The following MACF1 variants were observed in gnomAD, a reference collection of about 807,000 sequenced individuals.
MACF1 encodes microtubule-actin cross-linking factor 1.
In MACF1, 193 loss-of-function variants were observed where a neutral mutation model predicts 854.8. The observed-to-expected ratio is 0.23, with a 90% CI of 0.20 to 0.25. The LOEUF is 0.25. MACF1 is among the 10% of genes least tolerant of loss of function. MACF1 has a pLI of 1.00. For missense variants in MACF1, 7,722 were observed against 8,929.1 expected (o/e 0.86, Z 5.45); for synonymous variants, 3,185 against 3,226.7 (o/e 0.99, Z 0.44).
At chr1:39,277,555 T>C (rs370396103) in intron 6 of MACF1, among the ~76,000 whole-genome samples, 139 of 152,326 alleles carry the variant, frequency 9.1e-4, no homozygotes, top group African/African-American at 3.3e-3. Context: ...GGAAAATATT[T>C]GGGATAATCA....
At chr1:39,152,253 A>G (rs187484721) in intron 2 of MACF1, among the ~76,000 whole-genome samples, 287 of 152,310 alleles carry the variant, frequency 1.9e-3, no homozygotes, top group African/African-American at 2.4e-3. Context: ...GATTACAGGC[A>G]TGCAACACTG....
chr1:39,477,075 A>ATACACATATATACACTTAGTG (rs1557675013), intron 97 of MACF1, among the ~76,000 whole-genome samples: 1 of 51,308 alleles, frequency 1.9e-5, no homozygotes, highest in African/African-American at 1.1e-4. Flanking sequence ...ATATATATAT[A>ATACACATATATACACTTAGTG]TATATATATA....
chr1:39,158,528 C>T (rs1223251875), intron 2 of MACF1, among the ~76,000 whole-genome samples: 1 of 152,150 alleles, frequency 6.6e-6, no homozygotes, highest in Non-Finnish European at 1.5e-5. Flanking sequence ...GAGCATGGCC[C>T]TTTAAAGATT....
chr1:39,449,548 G>A (rs943527248), intron 84 of MACF1, among the ~76,000 whole-genome samples: 3 of 151,120 alleles, frequency 2.0e-5, no homozygotes, highest in African/African-American at 4.9e-5. Context: ...ACAGGCACCC[G>A]CCACCACGCC....
At chr1:39,421,310 C>A (rs1022088169) in intron 58 of MACF1, among the ~76,000 whole-genome samples, 4 of 152,196 alleles carry the variant, frequency 2.6e-5, no homozygotes, top group Non-Finnish European at 4.4e-5. Flanking sequence ...TTTTAAAATT[C>A]TGTTGCACCA....
At chr1:39,386,795 G>A (rs148588695) in intron 57 of MACF1, among the ~76,000 whole-genome samples, 5,613 of 152,078 alleles carry the variant, frequency 0.037, 160 homozygotes, top group Non-Finnish European at 0.05. Context: ...GAACTCCTGG[G>A]CTCAACTGAT....
chr1:39,485,697 G>A lies in MACF1; in HGVS notation c.22571G>A (p.Gly7524Asp). The A allele has an allele frequency of 1.2e-6, 2 of 1,614,054 alleles. No homozygotes were observed. The highest frequency in any genetic ancestry group is 8.5e-7 in the Non-Finnish European group (1 of 1,179,992). The change falls in exon 101 of 101, where the codon GGC (glycine) becomes GAC (aspartate). Residue 7524 changes from glycine (G) to aspartate (D), a missense_variant. Around this residue, in one of 15 missense-constraint regions of MACF1, gnomAD observed 185 missense variants for 225.7 expected, o/e 0.82. Coordinates refer to ENST00000564288, the MANE Select transcript of MACF1 (RefSeq NM_001394062.1). ...GAAAGCAGCGCTGCAGGGGGCCAAG[G>A]CAACTCCAGGAGAGGGCTAAACAAA... Reference protein sequence around the residue: ...TSESSAAGGQGNSRRGLNKPS... With the variant: ...TSESSAAGGQDNSRRGLNKPS...
At chr1:39,408,202 C>A (rs987011431) in intron 58 of MACF1, among the ~76,000 whole-genome samples, 1 of 152,134 alleles carries the variant, frequency 6.6e-6, no homozygotes, top group Non-Finnish European at 1.5e-5. Flanking sequence ...CCCCCAACAC[C>A]CCATTTTCTT....
chr1:39,464,990 G>A, intron 94 of MACF1, 105 bp from the exon 95 acceptor site: 1 of 1,036,850 alleles, frequency 9.6e-7, no homozygotes. Flanking sequence ...CACTTTGCCA[G>A]AAAAATGTAA....
At chr1:39,459,382 A>T in intron 91 of MACF1, 133 bp downstream of exon 91, 1 of 930,316 alleles carries the variant, frequency 1.1e-6, no homozygotes, top group South Asian at 1.9e-5. Context: ...ACCTATACCA[A>T]GCCAGTACTC....
In MACF1 at chr1:39,458,505, C is replaced by G. The variant is rs763213598; in HGVS notation, c.21196+15C>G. On this transcript the variant is annotated intron_variant, in intron 90 of 100. Coordinates refer to ENST00000564288, the MANE Select transcript of MACF1 (RefSeq NM_001394062.1). ...CAGCGGAGGCAGTATGTTTCCAGCCCCCTGTGTTAGGATGCTTCATTCCTG... is the reference window on the plus strand; with the variant it reads ...CAGCGGAGGCAGTATGTTTCCAGCCGCCTGTGTTAGGATGCTTCATTCCTG... The G allele has an allele frequency of 2.5e-6, 4 of 1,609,728 alleles. No homozygotes were observed. The highest frequency in any genetic ancestry group is 4.5e-5 in the East Asian group (2 of 44,846).
chr1:39,286,319 T>G (rs1289296955), intron 14 of MACF1, among the ~76,000 whole-genome samples: 1 of 152,070 alleles, frequency 6.6e-6, no homozygotes, highest in Non-Finnish European at 1.5e-5. Context: ...TGGCCCATTC[T>G]CATATATTTT....
chr1:39,392,062 C>T (rs1320988661), intron 58 of MACF1, among the ~76,000 whole-genome samples: 1 of 152,136 alleles, frequency 6.6e-6, no homozygotes, highest in Non-Finnish European at 1.5e-5. Context: ...CAGTATCCAC[C>T]CTCAAGTTGG....
At chr1:39,432,740 G>C in intron 67 of MACF1, 86 bp downstream of exon 67, 1 of 1,332,782 alleles carries the variant, frequency 7.5e-7, no homozygotes, top group Non-Finnish European at 1.0e-6. Context: ...ATGTCAAGTG[G>C]AATAATTTAG....
chr1:39,410,180 GATTTATAACTT>G (rs1642922178), intron 58 of MACF1: 4 of 1,029,432 alleles, frequency 3.9e-6, no homozygotes, highest in Non-Finnish European at 5.6e-6. Context: ...CAGCTAAAAG[GATTTATAACTT>G]ATGTAGAATG....
chr1:39,443,706 C>G (rs1217369466), intron 79 of MACF1, 132 bp downstream of exon 79: 52 of 1,007,838 alleles, frequency 5.2e-5, no homozygotes. Context: ...ATAGTATAAC[C>G]TTTGGGGATT....
At chr1:39,307,996 C>T (rs570350703) in intron 23 of MACF1, among the ~76,000 whole-genome samples, 15 of 144,758 alleles carry the variant, frequency 1.0e-4, no homozygotes, top group Admixed American at 9.4e-4. Flanking sequence ...GCTCTGCCTC[C>T]TGGGTTCACT....
chr1:39,205,027 C>A lies in MACF1; in HGVS notation c.5C>A (p.Pro2His). 1 of 702,956 alleles carries A rather than the reference C, an allele frequency of 1.4e-6. No homozygotes were observed. The highest frequency in any genetic ancestry group is 2.6e-6 in the Non-Finnish European group (1 of 384,986). The allele number at this position is 702,956 out of a possible 1,614,324, so 43.5% of individuals were successfully genotyped here. A position where few individuals can be genotyped will look rare whatever the true frequency, so the allele number is the denominator to read the frequency against. Residue 2 changes from proline (P) to histidine (H), a missense_variant, in exon 1 of 101, where the codon CCC (proline) becomes CAC (histidine). By Grantham distance (77) the Pro-to-His change is moderately conservative. Around this residue, in one of 15 missense-constraint regions of MACF1, gnomAD observed 22 missense variants for 16.1 expected, o/e 1.37. Transcript: ENST00000564288. The stretch of plus-strand genomic sequence containing the variant: ...GGAGAAAGGACGGGCCTGGAAATGC[C>A]CCTCTTAGATTCATCTTATTTACCA... MPLLDSSYLPPT... is the reference protein window; with the variant it reads MHLLDSSYLPPT...
chr1:39,393,196 A>AAAAAAAAAAATATATATATAT (rs57576149), intron 58 of MACF1, among the ~76,000 whole-genome samples: 2 of 66,562 alleles, frequency 3.0e-5, no homozygotes, highest in South Asian at 8.5e-4. Flanking sequence ...AAAAAAAAAA[A>AAAAAAAAAAATATATATATAT]ATATATATAT....
Sources: allele counts gnomAD v4.1 joint callset (sites outside exome capture counted in the v4.1 genomes callset), GRCh38; gene constraint gnomAD v4.1.1; regional missense constraint gnomAD v4.1.1; transcripts MANE v1.5; gene names NCBI Gene and HGNC (gene_info 2026-07-23, HGNC 2026-07-21).